Variants in STX18 observed in about 807,000 individuals in gnomAD.
The protein encoded by STX18 is syntaxin 18.
STX18 carries 40 observed loss-of-function variants against 50.1 expected under a neutral mutation model. The ratio of observed to expected loss-of-function variants is 0.80; its 90% CI spans 0.62 to 1.04. The LOEUF is 1.04. STX18 is among the 50% of genes least tolerant of loss of function. The pLI is 0.00. For missense variants in STX18, 410 were observed against 415.8 expected (o/e 0.99, Z 0.12); for synonymous variants, 158 against 151.8 (o/e 1.04, Z -0.30).
chr4:4,436,274 G>A (rs1725770545), intron 6 of STX18, among the ~76,000 whole-genome samples: 1 of 152,172 alleles, frequency 6.6e-6, no homozygotes, highest in African/African-American at 2.4e-5. Flanking sequence ...AAAAATGGCT[G>A]TTTTTACCAG....
chr4:4,513,699 A>C (rs1307034875), intron 1 of STX18, among the ~76,000 whole-genome samples: 1 of 152,256 alleles, frequency 6.6e-6, no homozygotes, highest in Non-Finnish European at 1.5e-5. Context: ...CCGACAAAAC[A>C]GCATGGCCAA....
chr4:4,472,717 G>A (rs768899248), intron 1 of STX18, among the ~76,000 whole-genome samples: 1 of 152,150 alleles, frequency 6.6e-6, no homozygotes, highest in East Asian at 1.9e-4. Flanking sequence ...TGCAAGGAGG[G>A]GCTGCCCATC....
intron 1 of STX18, among the ~76,000 whole-genome samples, chr4:4,487,206 C>T (rs527756927): frequency 7.9e-5 from 12 of 152,192 alleles, no homozygotes; most frequent in Admixed American, 3.3e-4. Flanking sequence ...GCTCAGCACC[C>T]GCAGACATCT....
At chr4:4,505,549 G>A (rs1186021484) in intron 1 of STX18, among the ~76,000 whole-genome samples, 1 of 152,122 alleles carries the variant, frequency 6.6e-6, no homozygotes, top group African/African-American at 2.4e-5. Flanking sequence ...GGAGGCCGAG[G>A]CAGGCGGATC....
intron 5 of STX18, among the ~76,000 whole-genome samples, chr4:4,452,279 C>T (rs545690062): frequency 1.3e-5 from 2 of 152,312 alleles, no homozygotes; most frequent in Admixed American, 1.3e-4. Context: ...GGTGAATTAG[C>T]AAGTGCTGAC....
At chr4:4,485,679 C>T (rs1406925011) in intron 1 of STX18, among the ~76,000 whole-genome samples, 2 of 152,200 alleles carry the variant, frequency 1.3e-5, no homozygotes, top group Non-Finnish European at 2.9e-5. Context: ...AGCTCACACA[C>T]GCTGGGTGGA....
chr4:4,476,350 A>G (rs1728174769), intron 1 of STX18, among the ~76,000 whole-genome samples: 1 of 152,242 alleles, frequency 6.6e-6, no homozygotes, highest in Non-Finnish European at 1.5e-5. Flanking sequence ...CCTCTATACT[A>G]GTTACTGTAA....
intron 1 of STX18, among the ~76,000 whole-genome samples, chr4:4,524,392 A>G (rs991540629): frequency 1.3e-5 from 2 of 152,256 alleles, no homozygotes; most frequent in Admixed American, 1.3e-4. Flanking sequence ...ATACTGCATC[A>G]GATGCAGAGC....
intron 4 of STX18, 31 bp from the exon 5 acceptor site, chr4:4,457,288 C>T (rs1297172002): frequency 1.2e-6 from 2 of 1,605,042 alleles, no homozygotes. Context: ...AGAAGAGAGA[C>T]TGCTTAAAAC....
At chr4:4,449,808 A>G (rs1726652700) in intron 5 of STX18, among the ~76,000 whole-genome samples, 1 of 152,218 alleles carries the variant, frequency 6.6e-6, no homozygotes, top group South Asian at 2.1e-4. Context: ...ATTTAGATGG[A>G]TTCATAATGT....
intron 1 of STX18, among the ~76,000 whole-genome samples, chr4:4,487,435 C>T (rs1240479167): frequency 5.9e-5 from 9 of 152,212 alleles, no homozygotes; most frequent in African/African-American, 1.7e-4. Flanking sequence ...TATAGACTAT[C>T]TCATTGAATC....
intron 6 of STX18, among the ~76,000 whole-genome samples, chr4:4,435,279 T>C (rs1293454237): frequency 6.6e-6 from 1 of 152,132 alleles, no homozygotes; most frequent in South Asian, 2.1e-4. Context: ...CATATGCATA[T>C]ATACATACAT....
intron 1 of STX18, among the ~76,000 whole-genome samples, chr4:4,530,247 C>G (rs185730602): frequency 2.2e-3 from 342 of 152,192 alleles, no homozygotes; most frequent in Non-Finnish European, 4.2e-3. Flanking sequence ...CAGAAAAAGC[C>G]ATGGTTAACA....
intron 1 of STX18, among the ~76,000 whole-genome samples, chr4:4,502,120 C>A (rs1279230125): frequency 6.6e-6 from 1 of 152,184 alleles, no homozygotes; most frequent in African/African-American, 2.4e-5. Context: ...CACACAAAGA[C>A]CTCTATTAGG....
At chr4:4,434,713 G>A (rs761296449) in intron 7 of STX18, 57 bp downstream of exon 7, 2 of 1,448,094 alleles carry the variant, frequency 1.4e-6, no homozygotes, top group Non-Finnish European at 1.9e-6. Flanking sequence ...TCTCCTTAGT[G>A]AAACAGTCTT....
At chr4:4,495,536 G>A (rs1009814347) in intron 1 of STX18, among the ~76,000 whole-genome samples, 3 of 149,832 alleles carry the variant, frequency 2.0e-5, no homozygotes, top group Non-Finnish European at 3.0e-5. Context: ...CTACAGGCAC[G>A]CGTGTCTGGC....
chr4:4,519,261 G>C (rs1186283200), intron 1 of STX18, among the ~76,000 whole-genome samples: 1 of 152,150 alleles, frequency 6.6e-6, no homozygotes, highest in Admixed American at 6.5e-5. Flanking sequence ...TAAATGACTT[G>C]AAATACAGGT....
intron 1 of STX18, among the ~76,000 whole-genome samples, chr4:4,526,832 G>C (rs1003797155): frequency 6.6e-6 from 1 of 151,986 alleles, no homozygotes; most frequent in Non-Finnish European, 1.5e-5. Flanking sequence ...ATAAAAAAAG[G>C]CTTCAAAGAT....
chr4:4,456,033 C>T (rs148932265), intron 5 of STX18, among the ~76,000 whole-genome samples: 41 of 152,118 alleles, frequency 2.7e-4, no homozygotes, highest in African/African-American at 9.2e-4. Context: ...GCCTGTAGTC[C>T]AGCACTTTGG....
Sources: allele counts gnomAD v4.1 joint callset (sites outside exome capture counted in the v4.1 genomes callset), GRCh38; gene constraint gnomAD v4.1.1; transcripts MANE v1.5; gene names NCBI Gene and HGNC (gene_info 2026-07-23, HGNC 2026-07-21).